Variants in CNTN3 observed in about 807,000 individuals in gnomAD.
CNTN3 encodes contactin 3, also known as contactin-3.
A neutral mutation model predicts 119.1 loss-of-function variants in CNTN3; 60 were observed. That is an observed-to-expected ratio of 0.50 (90% CI 0.41 to 0.62). The LOEUF is 0.62. Among genes scored for constraint, CNTN3 ranks in the 20% least tolerant of loss-of-function variants. The pLI is 0.00. For missense variants in CNTN3, 1,101 were observed against 1,242.4 expected (o/e 0.89, Z 1.71); for synonymous variants, 450 against 438.7 (o/e 1.03, Z -0.32).
At chr3:74,580,724 A>C (rs532446403) in intron 1 of CNTN3, among the ~76,000 whole-genome samples, 1 of 152,296 alleles carries the variant, frequency 6.6e-6, no homozygotes, top group African/African-American at 2.4e-5. Context: ...CTGCTTCAAT[A>C]TGATAAAGAG....
At chr3:74,448,966 T>C (rs1350335836) in intron 4 of CNTN3, among the ~76,000 whole-genome samples, 1 of 152,070 alleles carries the variant, frequency 6.6e-6, no homozygotes, top group Non-Finnish European at 1.5e-5. Context: ...CATGTTTCCA[T>C]TTTGGTTTCA....
intron 1 of CNTN3, among the ~76,000 whole-genome samples, chr3:74,567,038 A>G (rs908307163): frequency 1.3e-5 from 2 of 152,146 alleles, no homozygotes; most frequent in African/African-American, 2.4e-5. Context: ...TGGGGCACAG[A>G]GCAGGCTGGA....
chr3:74,289,594 A>G (rs548660145), intron 19 of CNTN3, among the ~76,000 whole-genome samples: 11 of 152,262 alleles, frequency 7.2e-5, no homozygotes, highest in African/African-American at 2.4e-4. Flanking sequence ...CCCAATATTC[A>G]AAACAGAGAA....
At chr3:74,383,096 C>G (rs1704662375) in intron 5 of CNTN3, among the ~76,000 whole-genome samples, 2 of 152,130 alleles carry the variant, frequency 1.3e-5, no homozygotes, top group African/African-American at 4.8e-5. Context: ...GAATAAGGAA[C>G]AGTTAGACAG....
chr3:74,285,199 T>C, intron 20 of CNTN3, 106 bp downstream of exon 20: 1 of 1,218,762 alleles, frequency 8.2e-7, no homozygotes, highest in Non-Finnish European at 1.1e-6. Context: ...TTATATAATC[T>C]AGTGAGATTA....
chr3:74,310,728 T>C (rs1458124118), intron 13 of CNTN3, among the ~76,000 whole-genome samples: 4 of 152,178 alleles, frequency 2.6e-5, no homozygotes, highest in African/African-American at 7.2e-5. Context: ...GTATACTAAA[T>C]TTCAGGAGGA....
At chr3:74,569,124 T>G (rs1324695772) in intron 1 of CNTN3, among the ~76,000 whole-genome samples, 5 of 152,190 alleles carry the variant, frequency 3.3e-5, no homozygotes, top group Non-Finnish European at 7.4e-5. Context: ...AGATCCATTT[T>G]AGAGCATCTG....
In CNTN3 at chr3:74,413,675, T is replaced by C. The variant is rs140367811; in HGVS notation, c.454+11170A>G. On this transcript the variant is annotated intron_variant, in intron 5 of 22. Transcript: ENST00000263665. ...ATTACTTGGCTGCATGCTGCAGACCTGTGGGAATAGGGAAAGGTGATCACT... is the reference window on the plus strand; with the variant it reads ...ATTACTTGGCTGCATGCTGCAGACCCGTGGGAATAGGGAAAGGTGATCACT... Among the ~76,000 whole-genome samples the C allele has an allele frequency of 5.8e-4, 88 of 152,346 alleles. 1 individual carries two copies. The highest frequency in any genetic ancestry group is 1.9e-3 in the African/African-American group (78 of 41,586).
In CNTN3 at chr3:74,302,696, C is replaced by A. The variant is rs1702483143; in HGVS notation, c.1780G>T (p.Val594Leu). Reference protein sequence around the residue: ...DSVSSAADLIVRGSPGPPENV... With the variant: ...DSVSSAADLILRGSPGPPENV... ...GGGGGCATAAATGTTTTACCTCTTA[C>A]TATGAGGTCAGCAGCAGATGAAACA... The change falls in exon 14 of 23, where the codon GTA becomes TTA. Residue 594 changes from valine (V) to leucine (L), a missense_variant. Transcript: ENST00000263665. The A allele has an allele frequency of 6.3e-7, 1 of 1,596,098 alleles. No homozygotes were observed. The highest frequency in any genetic ancestry group is 8.6e-7 in the Non-Finnish European group (1 of 1,164,360).
chr3:74,489,648 C>T (rs575842199), intron 3 of CNTN3, among the ~76,000 whole-genome samples: 2 of 149,580 alleles, frequency 1.3e-5, no homozygotes, highest in African/African-American at 4.9e-5. Context: ...GCCTAATCCC[C>T]AGGCCTTAGT....
chr3:74,394,919 G>A (rs1705007373), intron 5 of CNTN3, among the ~76,000 whole-genome samples: 3 of 152,062 alleles, frequency 2.0e-5, no homozygotes, highest in Admixed American at 6.6e-5. Flanking sequence ...CTGTAAATAT[G>A]ACTCTTTTAT....
chr3:74,356,704 A>G (rs980953053), intron 11 of CNTN3, among the ~76,000 whole-genome samples: 2 of 152,214 alleles, frequency 1.3e-5, no homozygotes, highest in African/African-American at 2.4e-5. Flanking sequence ...TTATCTACTC[A>G]TAGCAGCTTT....
At chr3:74,430,625 G>A (rs1201712918) in intron 4 of CNTN3, among the ~76,000 whole-genome samples, 1 of 151,982 alleles carries the variant, frequency 6.6e-6, no homozygotes, top group Non-Finnish European at 1.5e-5. Context: ...GGTTGCCAAT[G>A]TTTAGGGAAA....
chr3:74,297,830 A>G (rs997712503), intron 18 of CNTN3, 127 bp downstream of exon 18: 99 of 675,060 alleles, frequency 1.5e-4, no homozygotes, highest in Non-Finnish European at 2.1e-4. Context: ...CTGGGAATCT[A>G]ACTACTACCT....
intron 8 of CNTN3, among the ~76,000 whole-genome samples, chr3:74,366,787 T>C (rs1336963801): frequency 7.9e-6 from 1 of 126,016 alleles, no homozygotes; most frequent in Non-Finnish European, 1.7e-5. Context: ...TGTGTATATA[T>C]ATATATATAT....
intron 11 of CNTN3, among the ~76,000 whole-genome samples, chr3:74,343,047 G>A (rs1703586445): frequency 6.6e-6 from 1 of 152,148 alleles, no homozygotes; most frequent in Non-Finnish European, 1.5e-5. Context: ...CCTCATACTT[G>A]ACACTACTAT....
intron 4 of CNTN3, among the ~76,000 whole-genome samples, chr3:74,478,569 T>C (rs1380964921): frequency 6.6e-6 from 1 of 152,128 alleles, no homozygotes; most frequent in African/African-American, 2.4e-5. Context: ...ACTGGATTTC[T>C]TTCCCCTCTG....
chr3:74,366,776 GTGTGTATA>G (rs1462459434), intron 8 of CNTN3, among the ~76,000 whole-genome samples: 1 of 35,604 alleles, frequency 2.8e-5, no homozygotes, highest in Non-Finnish European at 4.7e-5. Context: ...GTGTGTGTGT[GTGTGTATA>G]TATATATATA....
At chr3:74,611,177 C>T (rs1705076171) in intron 1 of CNTN3, among the ~76,000 whole-genome samples, 1 of 152,162 alleles carries the variant, frequency 6.6e-6, no homozygotes, top group Non-Finnish European at 1.5e-5. Context: ...AATATGCAAA[C>T]TCACTGAATT....
Sources: gnomAD v4.1 joint callset for allele counts (sites outside exome capture counted in the v4.1 genomes callset) on GRCh38, gnomAD v4.1.1 for gene constraint, MANE v1.5 for transcripts, NCBI Gene and HGNC (gene_info 2026-07-23, HGNC 2026-07-21) for gene names.